HS6ST3: variants seen among roughly 807,000 people sequenced by gnomAD.
HS6ST3 encodes heparan-sulfate 6-O-sulfotransferase 3.
In HS6ST3, 12 loss-of-function variants were observed where a neutral mutation model predicts 36.7. The ratio of observed to expected loss-of-function variants is 0.33; its 90% CI spans 0.21 to 0.53. The LOEUF (loss-of-function observed/expected upper bound fraction) is 0.53, where lower values mean the gene tolerates loss of function less well. Among genes scored for constraint, HS6ST3 ranks in the 20% least tolerant of loss-of-function variants. The pLI is 0.95. For missense variants in HS6ST3, 584 were observed against 640.9 expected (o/e 0.91, Z 0.96); for synonymous variants, 240 against 257.5 (o/e 0.93, Z 0.65).
At chr13:96,785,551 C>A (rs1686317506) in intron 1 of HS6ST3, among the ~76,000 whole-genome samples, 2 of 152,208 alleles carry the variant, frequency 1.3e-5, no homozygotes, top group African/African-American at 4.8e-5. Flanking sequence ...TGCAAGTGGG[C>A]AAAAGATAGC....
chr13:96,689,067 G>C (rs906512239), intron 1 of HS6ST3, among the ~76,000 whole-genome samples: 1 of 152,036 alleles, frequency 6.6e-6, no homozygotes, highest in Non-Finnish European at 1.5e-5. Flanking sequence ...ATTGTGTTCT[G>C]CTGTTTATCA....
intron 1 of HS6ST3, among the ~76,000 whole-genome samples, chr13:96,162,715 C>A (rs1017225811): frequency 3.3e-5 from 5 of 152,172 alleles, no homozygotes; most frequent in Non-Finnish European, 5.9e-5. Flanking sequence ...ACAATGAGGT[C>A]TGCCCCATTA....
intron 1 of HS6ST3, among the ~76,000 whole-genome samples, chr13:96,528,793 C>T (rs917936825): frequency 1.3e-5 from 2 of 152,040 alleles, no homozygotes; most frequent in African/African-American, 4.8e-5. Flanking sequence ...ACATATTTGT[C>T]AGGACTAGAT....
intron 1 of HS6ST3, among the ~76,000 whole-genome samples, chr13:96,155,952 G>A (rs966976694): frequency 6.6e-6 from 1 of 152,100 alleles, no homozygotes; most frequent in Non-Finnish European, 1.5e-5. Flanking sequence ...GCTCAGGCAC[G>A]TGATTTCTTC....
At chr13:96,418,385 A>G (rs535093408) in intron 1 of HS6ST3, among the ~76,000 whole-genome samples, 1 of 152,330 alleles carries the variant, frequency 6.6e-6, no homozygotes, top group Non-Finnish European at 1.5e-5. Context: ...CAGATACAAA[A>G]TCTGCAAATT....
intron 1 of HS6ST3, among the ~76,000 whole-genome samples, chr13:96,802,669 A>C (rs1878106920): frequency 6.6e-6 from 1 of 152,136 alleles, no homozygotes; most frequent in Admixed American, 6.6e-5. Context: ...GCAATTATAA[A>C]GTTTTCTCCT....
chr13:96,306,293 G>C (rs1220840849), intron 1 of HS6ST3, among the ~76,000 whole-genome samples: 1 of 151,668 alleles, frequency 6.6e-6, no homozygotes, highest in Non-Finnish European at 1.5e-5. Context: ...TAGTAGAGAC[G>C]GGGTTTCACC....
At chr13:96,322,235 A>C (rs993731714) in intron 1 of HS6ST3, among the ~76,000 whole-genome samples, 2 of 152,166 alleles carry the variant, frequency 1.3e-5, no homozygotes, top group East Asian at 3.9e-4. Flanking sequence ...TTGGTTATCC[A>C]TATCTACATT....
At chr13:96,686,326 TC>T (rs979072952) in intron 1 of HS6ST3, among the ~76,000 whole-genome samples, 1 of 151,776 alleles carries the variant, frequency 6.6e-6, no homozygotes, top group South Asian at 2.1e-4. Flanking sequence ...AATGTATTCA[TC>T]CCCCCCACTC....
At chr13:96,273,980 C>T (rs1167907312) in intron 1 of HS6ST3, among the ~76,000 whole-genome samples, 6 of 133,588 alleles carry the variant, frequency 4.5e-5, no homozygotes, top group Non-Finnish European at 3.2e-5. Context: ...TCCCTCCCCT[C>T]CTCCTCCCCC....
At chr13:96,255,953 T>C (rs2054634805) in intron 1 of HS6ST3, among the ~76,000 whole-genome samples, 1 of 152,228 alleles carries the variant, frequency 6.6e-6, no homozygotes. Context: ...ACAAATAAAC[T>C]CACCATTAAC....
intron 1 of HS6ST3, among the ~76,000 whole-genome samples, chr13:96,592,412 T>C (rs994966444): frequency 6.6e-6 from 1 of 152,188 alleles, no homozygotes; most frequent in African/African-American, 2.4e-5. Context: ...GATTGGTTCA[T>C]TGTTTAGTCT....
At chr13:96,596,015 G>A (rs1013355891) in intron 1 of HS6ST3, among the ~76,000 whole-genome samples, 1 of 152,166 alleles carries the variant, frequency 6.6e-6, no homozygotes, top group East Asian at 1.9e-4. Flanking sequence ...GTATATTGCT[G>A]AGGTTAGGGT....
At chr13:96,300,633 A>G (rs1383340991) in intron 1 of HS6ST3, among the ~76,000 whole-genome samples, 1 of 152,176 alleles carries the variant, frequency 6.6e-6, no homozygotes, top group Admixed American at 6.5e-5. Context: ...TTTATTAATC[A>G]TTTATCTGGC....
chr13:96,409,830 T>C (rs973353078), intron 1 of HS6ST3, among the ~76,000 whole-genome samples: 1 of 152,032 alleles, frequency 6.6e-6, no homozygotes, highest in African/African-American at 2.4e-5. Context: ...AGAAAGCCCC[T>C]AAAAAGATCT....
intron 1 of HS6ST3, among the ~76,000 whole-genome samples, chr13:96,561,869 A>G (rs113687066): frequency 0.011 from 1,643 of 152,300 alleles, 28 homozygotes; most frequent in African/African-American, 0.032. Context: ...TTAAAAAGTC[A>G]AAAAATAACA....
At chr13:96,807,629 A>C (rs1201614153) in intron 1 of HS6ST3, among the ~76,000 whole-genome samples, 1 of 152,234 alleles carries the variant, frequency 6.6e-6, no homozygotes, top group African/African-American at 2.4e-5. Context: ...GATTGTCATA[A>C]GAATTTAACT....
At chr13:96,656,795 C>A (rs1258589908) in intron 1 of HS6ST3, among the ~76,000 whole-genome samples, 1 of 152,120 alleles carries the variant, frequency 6.6e-6, no homozygotes, top group Non-Finnish European at 1.5e-5. Flanking sequence ...TAGGCAAGTT[C>A]TAAACCTTAC....
intron 1 of HS6ST3, among the ~76,000 whole-genome samples, chr13:96,719,426 T>C (rs1026116550): frequency 6.6e-6 from 1 of 152,194 alleles, no homozygotes; most frequent in Non-Finnish European, 1.5e-5. Context: ...GTGTTTTGAC[T>C]TTTAAAATTA....
Sources: allele counts gnomAD v4.1 joint callset (sites outside exome capture counted in the v4.1 genomes callset), GRCh38; gene constraint gnomAD v4.1.1; transcripts MANE v1.5; gene names NCBI Gene and HGNC (gene_info 2026-07-23, HGNC 2026-07-21).